Variants in PLXDC2 observed in about 807,000 individuals in gnomAD.
PLXDC2 encodes plexin domain-containing protein 2.
PLXDC2 carries 40 observed loss-of-function variants against 68.9 expected under a neutral mutation model. The ratio of observed to expected loss-of-function variants is 0.58; its 90% CI spans 0.45 to 0.76. The LOEUF (loss-of-function observed/expected upper bound fraction) is 0.76. Ranked by LOEUF, PLXDC2 falls within the 30% of genes least tolerant of loss-of-function variation. The pLI is 0.00. For synonymous variants in PLXDC2, 243 were observed against 234.2 expected (o/e 1.04, Z -0.34); for missense variants, 644 against 661.9 (o/e 0.97, Z 0.30).
At chr10:20,014,046 C>G (rs112874148) in intron 2 of PLXDC2, among the ~76,000 whole-genome samples, 2 of 152,140 alleles carry the variant, frequency 1.3e-5, no homozygotes, top group Non-Finnish European at 2.9e-5. Context: ...AAAATTATCT[C>G]CTAAAGGCAA....
chr10:20,260,546 T>C (rs559586219), intron 13 of PLXDC2, among the ~76,000 whole-genome samples: 1 of 152,224 alleles, frequency 6.6e-6, no homozygotes, highest in Non-Finnish European at 1.5e-5. Flanking sequence ...TAAGGCTGAA[T>C]AGTATTTCAT....
chr10:20,074,674 A>G (rs893880877), intron 4 of PLXDC2, among the ~76,000 whole-genome samples: 2 of 152,170 alleles, frequency 1.3e-5, no homozygotes, highest in African/African-American at 2.4e-5. Flanking sequence ...ATAATATTTC[A>G]TACTCTTTAT....
At chr10:20,087,935 G>C (rs1281809457) in intron 4 of PLXDC2, among the ~76,000 whole-genome samples, 1 of 152,140 alleles carries the variant, frequency 6.6e-6, no homozygotes, top group Non-Finnish European at 1.5e-5. Context: ...ATGACATTTG[G>C]TCACACTGCC....
At chr10:20,209,692 C>T (rs547393877) in intron 9 of PLXDC2, among the ~76,000 whole-genome samples, 79 of 152,150 alleles carry the variant, frequency 5.2e-4, no homozygotes, top group African/African-American at 1.1e-3. Flanking sequence ...TTTCTCAAGG[C>T]GCCCAGATGT....
intron 4 of PLXDC2, among the ~76,000 whole-genome samples, chr10:20,113,431 A>G (rs550336436): frequency 5.5e-4 from 83 of 152,252 alleles, no homozygotes; most frequent in African/African-American, 1.9e-3. Flanking sequence ...CCTTTATCCA[A>G]TAAGCCATCA....
At chr10:20,257,171 C>G (rs775706259) in intron 13 of PLXDC2, among the ~76,000 whole-genome samples, 1 of 152,184 alleles carries the variant, frequency 6.6e-6, no homozygotes, top group Non-Finnish European at 1.5e-5. Context: ...ATGCAACAGG[C>G]TTCCTGAGTG....
intron 13 of PLXDC2, among the ~76,000 whole-genome samples, chr10:20,272,460 T>A (rs1156464031): frequency 1.3e-5 from 2 of 151,682 alleles, no homozygotes; most frequent in South Asian, 2.1e-4. Context: ...AAAAAAAAAA[T>A]TCAAGAAAGA....
intron 6 of PLXDC2, among the ~76,000 whole-genome samples, chr10:20,152,180 G>T (rs1285006496): frequency 2.0e-5 from 3 of 151,970 alleles, no homozygotes; most frequent in African/African-American, 7.2e-5. Flanking sequence ...ACTAAATGAT[G>T]AATGATCAAT....
At chr10:19,853,895 A>G (rs564309810) in intron 1 of PLXDC2, among the ~76,000 whole-genome samples, 1 of 152,286 alleles carries the variant, frequency 6.6e-6, no homozygotes, top group East Asian at 1.9e-4. Flanking sequence ...AATTTACCCC[A>G]GAAGGCTTTG....
intron 9 of PLXDC2, among the ~76,000 whole-genome samples, chr10:20,188,560 A>G (rs185307419): frequency 3.3e-5 from 5 of 151,878 alleles, no homozygotes; most frequent in South Asian, 2.1e-4. Context: ...CTAGGGCAGT[A>G]GAAATGCTGA....
chr10:19,956,162 T>C (rs959063733), intron 1 of PLXDC2, among the ~76,000 whole-genome samples: 28 of 152,180 alleles, frequency 1.8e-4, no homozygotes, highest in African/African-American at 5.8e-4. Context: ...AAACTATAAA[T>C]ACTTTATTTG....
At chr10:20,118,920 C>CT (rs34396697) in intron 4 of PLXDC2, among the ~76,000 whole-genome samples, 34,221 of 139,844 alleles carry the variant, frequency 0.24, 4,584 homozygotes, top group East Asian at 0.49. Context: ...ACATTGAAGC[C>CT]TTTTTTTTTT....
intron 2 of PLXDC2, among the ~76,000 whole-genome samples, chr10:20,027,591 T>C (rs190610051): frequency 1.9e-3 from 288 of 152,208 alleles, no homozygotes; most frequent in Middle Eastern, 0.01. Context: ...GTCTGATTAA[T>C]GATCTTTAAA....
At chr10:20,159,599 C>T (rs529073959) in intron 6 of PLXDC2, among the ~76,000 whole-genome samples, 5 of 152,282 alleles carry the variant, frequency 3.3e-5, no homozygotes, top group African/African-American at 1.2e-4. Flanking sequence ...CTTTCCTCTG[C>T]TCAAAACCTC....
chr10:20,085,024 A>G (rs1434962637), intron 4 of PLXDC2, among the ~76,000 whole-genome samples: 1 of 151,868 alleles, frequency 6.6e-6, no homozygotes, highest in Non-Finnish European at 1.5e-5. Flanking sequence ...TCATATGTAA[A>G]TGGCACAACC....
At chr10:19,902,411 G>GCCT (rs1838175493) in intron 1 of PLXDC2, among the ~76,000 whole-genome samples, 1 of 151,992 alleles carries the variant, frequency 6.6e-6, no homozygotes, top group Non-Finnish European at 1.5e-5. Context: ...ACATTCCTAA[G>GCCT]TATTTTATTT....
chr10:20,147,517 A>C (rs1834095414), intron 5 of PLXDC2, among the ~76,000 whole-genome samples: 1 of 152,136 alleles, frequency 6.6e-6, no homozygotes, highest in Non-Finnish European at 1.5e-5. Context: ...TAAAATTCCT[A>C]AGGCAAAATT....
rs1023687281 is a variant in PLXDC2, at chr10:20,284,608, G to C, written c.*4789G>C. 6.6e-6 allele frequency: 1 copy of C among 151,672 alleles called. No individual in the cohort carries two copies. The highest frequency in any genetic ancestry group is 1.5e-5 in the Non-Finnish European group (1 of 67,946). 9.4% of individuals were successfully genotyped at this position (151,672 alleles called of 1,614,324 possible). ...CATCTCTAAATAAAAAAAAAGAATC[G>C]TGAGACATCATGTAATCCAACCTCT... On this transcript the variant is annotated 3_prime_UTR_variant, in exon 14 of 14. Transcript: ENST00000377252.
intron 6 of PLXDC2, among the ~76,000 whole-genome samples, chr10:20,149,645 C>T (rs952197567): frequency 6.6e-6 from 1 of 152,126 alleles, no homozygotes; most frequent in African/African-American, 2.4e-5. Context: ...TCATTTAGCT[C>T]CCACTTATAA....
Sources: gnomAD v4.1 joint callset for allele counts (sites outside exome capture counted in the v4.1 genomes callset) on GRCh38, gnomAD v4.1.1 for gene constraint, MANE v1.5 for transcripts, NCBI Gene and HGNC (gene_info 2026-07-23, HGNC 2026-07-21) for gene names.